Variants in DACT1 observed in about 807,000 individuals in gnomAD.
DACT1 encodes the protein dapper homolog 1.
DACT1 carries 19 observed loss-of-function variants against 35.3 expected under a neutral mutation model. That is an observed-to-expected ratio of 0.54 (90% CI 0.38 to 0.79). The LOEUF is 0.79. Ranked by LOEUF, DACT1 falls within the 30% of genes least tolerant of loss-of-function variation. The pLI, the probability that DACT1 is intolerant of heterozygous loss-of-function variation, is 0.00. For synonymous variants in DACT1, 545 were observed against 466.7 expected (o/e 1.17, Z -2.16); for missense variants, 1,143 against 1,057.5 (o/e 1.08, Z -1.12).
At chr14:58,642,268 C>G (rs1236825958) in intron 3 of DACT1, among the ~76,000 whole-genome samples, 1 of 152,060 alleles carries the variant, frequency 6.6e-6, no homozygotes, top group East Asian at 1.9e-4. Flanking sequence ...GGGTGGATCA[C>G]TTGAGGTCAG....
At position 58,645,659 on chromosome 14, in the gene DACT1, G is replaced by A. The variant is rs778143201; in HGVS notation, c.925G>A (p.Val309Ile). 1.3e-4 allele frequency: 207 copies of A among 1,614,030 alleles called. No individual in the cohort carries two copies. Among genetic ancestry groups the A allele is most frequent in the Non-Finnish European group, 1.6e-4 (194 of 1,180,028 alleles). Residue 309 changes from valine to isoleucine, a missense_variant, in exon 4 of 4, where the codon GTC becomes ATC. Coordinates refer to ENST00000395153, the MANE Select transcript of DACT1 (RefSeq NM_001079520.2). Reference protein sequence around the residue: ...KKMDGYILSLVQKKTHPVRTN... With the variant: ...KKMDGYILSLIQKKTHPVRTN... Reference sequence around the variant, plus strand: ...AATGGATGGCTACATTCTGAGCCTGGTCCAGAAAAAAACACACCCTGTAAG... The same window carrying A: ...AATGGATGGCTACATTCTGAGCCTGATCCAGAAAAAAACACACCCTGTAAG...
intron 3 of DACT1, 115 bp downstream of exon 3, chr14:58,641,862 C>A: frequency 9.9e-7 from 1 of 1,013,348 alleles, no homozygotes; most frequent in Non-Finnish European, 1.4e-6. Flanking sequence ...CATCACTTTG[C>A]GGCATTTAGT....
In DACT1 at chr14:58,646,078, T is replaced by C; in HGVS notation, c.1344T>C (p.Ser448=). The part of the protein sequence containing the change: ...PKESAQLSGA[S]PKESPSRGPA... ...AAAGCGCTCAGCTCTCAGGGGCCTCTCCAAAAGAGAGTCCTAGCAGAGGCC... is the reference window on the plus strand; with the variant it reads ...AAAGCGCTCAGCTCTCAGGGGCCTCCCCAAAAGAGAGTCCTAGCAGAGGCC... Residue 448 remains serine (S), a synonymous_variant, in exon 4 of 4, where the codon TCT becomes TCC. Coordinates refer to ENST00000395153, the MANE Select transcript of DACT1 (RefSeq NM_001079520.2). 6.2e-7 allele frequency: 1 copy of C among 1,613,360 alleles called. No individual in the cohort carries two copies. The highest frequency in any genetic ancestry group is 1.3e-5 in the African/African-American group (1 of 74,948).
At chr14:58,643,697 T>C (rs1182293921) in intron 3 of DACT1, among the ~76,000 whole-genome samples, 1 of 152,206 alleles carries the variant, frequency 6.6e-6, no homozygotes, top group Non-Finnish European at 1.5e-5. Context: ...ATTGAGACAG[T>C]TGCACCAGGC....
upstream of DACT1, among the ~76,000 whole-genome samples, chr14:58,637,642 A>G (rs768593968): frequency 1.3e-5 from 2 of 152,192 alleles, no homozygotes; most frequent in Non-Finnish European, 2.9e-5. Context: ...CTGTAACAGG[A>G]TGCTGGGGCT....
Position 58,646,267 on chromosome 14 carries a change from C to T in DACT1, c.1533C>T (p.Ser511=). ...LDFKSEGSSQ[S]LEEAHLVKAQ... is the part of the protein sequence containing the mutation. ...TCAAGAGCGAGGGCTCTTCCCAAAG[C>T]CTGGAGGAAGCGCACCTGGTCAAGG... is the stretch of plus-strand genomic sequence containing the variant. The change falls in exon 4 of 4, where the codon AGC becomes AGT. Residue 511 remains serine, a synonymous_variant. Transcript: ENST00000395153. 6.2e-7 allele frequency: 1 copy of T among 1,613,730 alleles called. No individual in the cohort carries two copies. The highest frequency in any genetic ancestry group is 8.5e-7 in the Non-Finnish European group (1 of 1,179,902).
chr14:58,639,028 C>A (rs1341738832), intron 1 of DACT1: 1 of 985,516 alleles, frequency 1.0e-6, no homozygotes, highest in Non-Finnish European at 1.2e-6. Flanking sequence ...CCGAGTTTTA[C>A]GATTACACTG....
intron 3 of DACT1, among the ~76,000 whole-genome samples, chr14:58,644,389 G>A (rs1169153649): frequency 1.3e-5 from 2 of 152,000 alleles, no homozygotes; most frequent in Non-Finnish European, 2.9e-5. Context: ...TATTAAAAAA[G>A]TTTTTTTAAA....
At chr14:58,645,038 A>T (rs1566509036) in intron 3 of DACT1, among the ~76,000 whole-genome samples, 1 of 152,108 alleles carries the variant, frequency 6.6e-6, no homozygotes, top group East Asian at 1.9e-4. Context: ...TAATGGCTGA[A>T]TTTTTTTCCT....
rs2047595679 is a variant in DACT1, at chr14:58,638,469, A to G, written c.267A>G (p.Leu89=). Reference sequence around the variant, plus strand: ...CCGCTGCGCCCCGCGCTGGGGAGCTACTGGGGGAGGCGGCGCAGCGCAGTC... The same window carrying G: ...CCGCTGCGCCCCGCGCTGGGGAGCTGCTGGGGGAGGCGGCGCAGCGCAGTC... ...AGAAAPRAGE[L]LGEAAQRSRL... The change falls in exon 1 of 4, where the codon CTA becomes CTG. Residue 89 remains leucine (L), a synonymous_variant. Coordinates refer to ENST00000395153, the MANE Select transcript of DACT1 (RefSeq NM_001079520.2). 15 of 1,360,778 alleles carry G rather than the reference A, an allele frequency of 1.1e-5. No individual in the cohort carries two copies. Among genetic ancestry groups the G allele is most frequent in the African/African-American group, 3.0e-5 (2 of 66,586 alleles). The allele number at this position is 1,360,778 out of a possible 1,614,324, so 84.3% of individuals were successfully genotyped here.
intron 2 of DACT1, 97 bp from the exon 3 acceptor site, chr14:58,641,495 A>G (rs2047626351): frequency 1.4e-6 from 2 of 1,391,060 alleles, no homozygotes; most frequent in East Asian, 2.3e-5. Flanking sequence ...CAAACAAAAA[A>G]TCTCCTTTTC....
chr14:58,640,136 A>G (rs190035644), intron 1 of DACT1, among the ~76,000 whole-genome samples: 19 of 152,362 alleles, frequency 1.2e-4, no homozygotes, highest in African/African-American at 3.4e-4. Flanking sequence ...TTGGAAACCC[A>G]GAGGCGTTCA....
intron 1 of DACT1, chr14:58,638,900 T>C: frequency 9.7e-7 from 1 of 1,025,646 alleles, no homozygotes; most frequent in Non-Finnish European, 1.2e-6. Flanking sequence ...TCCCCAGCGG[T>C]TTGCAAACTC....
At position 58,638,451 on chromosome 14, in the gene DACT1, G is replaced by C; in HGVS notation, c.249G>C (p.Ala83=). 1 of 1,349,958 alleles carries C rather than the reference G, an allele frequency of 7.4e-7. No homozygotes were observed. The highest frequency in any genetic ancestry group is 1.5e-5 in the African/African-American group (1 of 66,524). 83.6% of individuals were successfully genotyped at this position (1,349,958 alleles called of 1,614,324 possible). A position where few individuals can be genotyped will look rare whatever the true frequency, so the allele number is the denominator to read the frequency against. The stretch of plus-strand genomic sequence containing the variant: ...GCGCCGGGGGTGCGGGAGCCGCTGC[G>C]CCCCGCGCTGGGGAGCTACTGGGGG... ...LRGAGGAGAA[A]PRAGELLGEA... is the part of the protein sequence containing the mutation. The change falls in exon 1 of 4, where the codon GCG becomes GCC. Residue 83 remains alanine (A), a synonymous_variant. Coordinates refer to ENST00000395153, the MANE Select transcript of DACT1 (RefSeq NM_001079520.2).
chr14:58,645,281 A>C (rs1566509182), intron 3 of DACT1, 88 bp from the exon 4 acceptor site: 1 of 1,614,058 alleles, frequency 6.2e-7, no homozygotes, highest in Non-Finnish European at 8.5e-7. Context: ...GTTGGAATAT[A>C]AAGAAGGCCA....
intron 2 of DACT1, 103 bp from the exon 3 acceptor site, chr14:58,641,489 C>A: frequency 7.3e-7 from 1 of 1,363,776 alleles, no homozygotes; most frequent in South Asian, 1.4e-5. Context: ...AAAAAACAAA[C>A]AAAAAATCTC....
upstream of DACT1, among the ~76,000 whole-genome samples, chr14:58,636,392 T>C (rs571116925): frequency 7.9e-5 from 12 of 152,320 alleles, no homozygotes; most frequent in Non-Finnish European, 1.6e-4. Flanking sequence ...ATGTGCTGAA[T>C]ACAGCGATAC....
intron 2 of DACT1, among the ~76,000 whole-genome samples, chr14:58,641,384 T>C (rs149469311): frequency 3.9e-5 from 6 of 152,296 alleles, no homozygotes; most frequent in African/African-American, 1.2e-4. Flanking sequence ...CTCTGAAATG[T>C]ACCCCTAGTT....
chr14:58,638,042 G>A lies in DACT1; in HGVS notation c.-161G>A. The stretch of plus-strand genomic sequence containing the variant: ...CCGGGCCGGGACAGCAGCAGCCGGC[G>A]GTCGCGCGCAGGACTCGAGGGCTTC... On this transcript the variant is annotated 5_prime_UTR_variant, in exon 1 of 4. Coordinates refer to ENST00000395153, the MANE Select transcript of DACT1 (RefSeq NM_001079520.2). The A allele has an allele frequency of 5.9e-6, 4 of 680,734 alleles. No individual in the cohort carries two copies. The highest frequency in any genetic ancestry group is 8.0e-6 in the Non-Finnish European group (4 of 501,280). 42.2% of individuals were successfully genotyped at this position (680,734 alleles called of 1,614,324 possible). A position where few individuals can be genotyped will look rare whatever the true frequency, so the allele number is the denominator to read the frequency against.
Sources: allele counts gnomAD v4.1 joint callset (sites outside exome capture counted in the v4.1 genomes callset), GRCh38; gene constraint gnomAD v4.1.1; transcripts MANE v1.5; gene names NCBI Gene and HGNC (gene_info 2026-07-23, HGNC 2026-07-21).